Variants in NOS1 observed in about 807,000 individuals in gnomAD.
The protein encoded by NOS1 is NOS type I.
In NOS1, 51 loss-of-function variants were observed where a neutral mutation model predicts 164.5. The observed-to-expected ratio is 0.31, with a 90% CI of 0.25 to 0.39. The LOEUF is 0.39. Among genes scored for constraint, NOS1 ranks in the 10% least tolerant of loss-of-function variants. The pLI is 1.00. For missense variants in NOS1, 1,362 were observed against 1,885.6 expected, an observed-to-expected ratio of 0.72 and a Z score of 5.14; for synonymous variants, 719 against 745.8, an observed-to-expected ratio of 0.96 and a Z score of 0.59.
chr12:117,355,129 C>A (rs1336066871), intron 1 of NOS1, among the ~76,000 whole-genome samples: 1 of 152,158 alleles, frequency 6.6e-6, no homozygotes, highest in African/African-American at 2.4e-5. Context: ...CTTTTCAGGG[C>A]ACCTCTGAAA....
At position 117,209,360 on chromosome 12, in the gene NOS1, G is replaced by A; in HGVS notation, c.*5949C>T. On this transcript the variant is annotated 3_prime_UTR_variant, in exon 29 of 29. Coordinates refer to ENST00000317775, the MANE Select transcript of NOS1 (RefSeq NM_000620.5). ...ACAGTACCCAAGACGGCCCCCACAA[G>A]AAAGAATTACCCAGCCCCAAATGCC... The A allele has an allele frequency of 1.0e-6, 1 of 981,546 alleles. No individual in the cohort carries two copies. Among genetic ancestry groups the A allele is most frequent in the Non-Finnish European group, 1.2e-6 (1 of 826,402 alleles). The allele number at this position is 981,546 out of a possible 1,614,324, so 60.8% of individuals were successfully genotyped here.
Position 117,210,969 on chromosome 12 carries a change from T to A in NOS1, c.*4340A>T, listed in dbSNP as rs1275558879. ...TATTTTATTTTATTTTATTTTATTT[T>A]TTTTGAGATAAGAGTCTTGCTCTGT... On this transcript the variant is annotated 3_prime_UTR_variant, in exon 29 of 29. Coordinates refer to ENST00000317775, the MANE Select transcript of NOS1 (RefSeq NM_000620.5). The A allele has an allele frequency of 1.0e-6, 1 of 953,356 alleles. No homozygotes were observed. The highest frequency in any genetic ancestry group is 1.8e-5 in the African/African-American group (1 of 56,186). 59.1% of individuals were successfully genotyped at this position (953,356 alleles called of 1,614,324 possible). A position where few individuals can be genotyped will look rare whatever the true frequency, so the allele number is the denominator to read the frequency against.
At chr12:117,333,055 T>C (rs761284986) in intron 1 of NOS1, among the ~76,000 whole-genome samples, 9 of 152,188 alleles carry the variant, frequency 5.9e-5, no homozygotes, top group Non-Finnish European at 1.3e-4. Context: ...CAAGCACCTG[T>C]AGCATGTGCC....
At chr12:117,258,584 G>C in intron 15 of NOS1, 129 bp from the exon 16 acceptor site, 1 of 882,248 alleles carries the variant, frequency 1.1e-6, no homozygotes, top group Non-Finnish European at 1.9e-6. Context: ...TGTCAGGAGC[G>C]GTCAGGGGCT....
chr12:117,321,791 T>A (rs887432104), intron 2 of NOS1, among the ~76,000 whole-genome samples: 1 of 152,050 alleles, frequency 6.6e-6, no homozygotes, highest in African/African-American at 2.4e-5. Context: ...CTGCCATTGG[T>A]CATGCTGAGG....
At chr12:117,215,433 TC>T in intron 28 of NOS1, 109 bp from the exon 29 acceptor site, 1 of 1,243,924 alleles carries the variant, frequency 8.0e-7, no homozygotes, top group Admixed American at 3.1e-5. Context: ...GGGCTTTGTC[TC>T]TTTCTTTTTT....
In NOS1 at chr12:117,208,495, C is replaced by T. The variant is rs1367363177; in HGVS notation, c.*6814G>A. On this transcript the variant is annotated 3_prime_UTR_variant, in exon 29 of 29. Transcript: ENST00000317775. Reference sequence around the variant, plus strand: ...AACGGACACTGCGACGTGGGGTGCCCGGCACCGCTCTTTGGGCCTTCTGGA... The same window carrying T: ...AACGGACACTGCGACGTGGGGTGCCTGGCACCGCTCTTTGGGCCTTCTGGA... 12 of 1,247,460 alleles carry T rather than the reference C, an allele frequency of 9.6e-6. No individual in the cohort carries two copies. The highest frequency in any genetic ancestry group is 4.9e-5 in the Admixed American group (2 of 40,650). The allele number at this position is 1,247,460 out of a possible 1,614,324, so 77.3% of individuals were successfully genotyped here.
At position 117,213,747 on chromosome 12, in the gene NOS1, C is replaced by A; in HGVS notation, c.*1562G>T. The A allele has an allele frequency of 3.0e-6, 3 of 985,386 alleles. No homozygotes were observed. The highest frequency in any genetic ancestry group is 3.6e-6 in the Non-Finnish European group (3 of 829,930). The allele number at this position is 985,386 out of a possible 1,614,324, so 61.0% of individuals were successfully genotyped here. On this transcript the variant is annotated 3_prime_UTR_variant, in exon 29 of 29. Coordinates refer to ENST00000317775, the MANE Select transcript of NOS1 (RefSeq NM_000620.5). Reference sequence around the variant, plus strand: ...ACAGGGTAGAACCAGCAGAACATTCCCTTTCCATCCTTGGGGACCCTGCAG... The same window carrying A: ...ACAGGGTAGAACCAGCAGAACATTCACTTTCCATCCTTGGGGACCCTGCAG...
intron 3 of NOS1, among the ~76,000 whole-genome samples, chr12:117,306,571 T>A (rs1177637258): frequency 6.6e-6 from 1 of 151,510 alleles, no homozygotes; most frequent in African/African-American, 2.4e-5. Flanking sequence ...CTCAGAGAAC[T>A]AATAATGATC....
intron 3 of NOS1, among the ~76,000 whole-genome samples, chr12:117,309,569 A>G (rs1462343141): frequency 6.6e-6 from 1 of 152,168 alleles, no homozygotes; most frequent in Non-Finnish European, 1.5e-5. Flanking sequence ...CGCCAACTTC[A>G]CTGCAATGCA....
In NOS1 at chr12:117,242,713, G is replaced by A. The variant is rs1220180081; in HGVS notation, c.2963-8C>T. 2 of 1,613,566 alleles carry A rather than the reference G, an allele frequency of 1.2e-6. No individual in the cohort carries two copies. The highest frequency in any genetic ancestry group is 2.2e-5 in the East Asian group (1 of 44,882). ...TGTGGACATTGGATAGACCTGTGGG[G>A]AGAAAAACAACAGTCTTCCTGAGAA... On this transcript the variant is annotated splice_polypyrimidine_tract_variant and splice_region_variant and intron_variant, in intron 19 of 28. Coordinates refer to ENST00000317775, the MANE Select transcript of NOS1 (RefSeq NM_000620.5).
Position 117,280,744 on chromosome 12 carries a change from G to C in NOS1, c.1505C>G (p.Ala502Gly). The C allele has an allele frequency of 3.1e-6, 5 of 1,614,126 alleles. No homozygotes were observed. Among genetic ancestry groups the C allele is most frequent in the Non-Finnish European group, 4.2e-6 (5 of 1,180,006 alleles). Residue 502 changes from alanine to glycine, a missense_variant, in exon 8 of 29, where the codon GCC becomes GGC. Around this residue, in one of 4 missense-constraint regions of NOS1, gnomAD observed 134 missense variants for 267.3 expected, o/e 0.50. Coordinates refer to ENST00000317775, the MANE Select transcript of NOS1 (RefSeq NM_000620.5). ...TCGCACCTCTGTGAACTGCACATTG[G>C]CTGGGTCCCCCAGGGTGGAGCCGTC... Reference protein sequence around the residue: ...QPDGSTLGDPANVQFTEICIQ... With the variant: ...QPDGSTLGDPGNVQFTEICIQ...
At chr12:117,236,702 G>A (rs1397526356) in intron 20 of NOS1, among the ~76,000 whole-genome samples, 3 of 152,208 alleles carry the variant, frequency 2.0e-5, no homozygotes, top group African/African-American at 4.8e-5. Flanking sequence ...AGCCTCCTAA[G>A]TCTACCCAAA....
intron 2 of NOS1, among the ~76,000 whole-genome samples, chr12:117,321,955 TC>T (rs1318593177): frequency 1.7e-4 from 18 of 104,016 alleles, no homozygotes; most frequent in East Asian, 1.3e-3. Context: ...CTTCCTTCCC[TC>T]CCTCTCTCCT....
At position 117,259,080 on chromosome 12, in the gene NOS1, C is replaced by G. The variant is rs527264691; in HGVS notation, c.2418G>C (p.Leu806=). The part of the protein sequence containing the change: ...YDIVHLEHET[L]VLVVTSTFGN... ...CAAAGGTGCTGGTGACCACAAGGAC[C>G]AGAGTTTCATGTTCCAGGTGCACAA... Residue 806 remains leucine, a synonymous_variant, in exon 15 of 29, where the codon CTG becomes CTC. Transcript: ENST00000317775. The G allele has an allele frequency of 1.2e-6, 2 of 1,613,998 alleles. No individual in the cohort carries two copies. Among genetic ancestry groups the G allele is most frequent in the Admixed American group, 1.7e-5 (1 of 60,002 alleles).
chr12:117,298,824 C>T (rs1361503537), intron 3 of NOS1, among the ~76,000 whole-genome samples: 1 of 152,344 alleles, frequency 6.6e-6, no homozygotes, highest in Admixed American at 6.5e-5. Flanking sequence ...GCAATCCATT[C>T]TGCTGTTTAA....
At chr12:117,355,215 A>G (rs1444529552) in intron 1 of NOS1, among the ~76,000 whole-genome samples, 1 of 152,210 alleles carries the variant, frequency 6.6e-6, no homozygotes, top group East Asian at 1.9e-4. Context: ...CAGTCTTAGT[A>G]GGTAACAGGA....
chr12:117,351,353 C>T (rs1051779411), intron 1 of NOS1, among the ~76,000 whole-genome samples: 3 of 152,194 alleles, frequency 2.0e-5, no homozygotes, highest in Non-Finnish European at 2.9e-5. Context: ...CAAAGGGCTT[C>T]GGTAACACTG....
At chr12:117,265,161 G>A (rs1304943125) in intron 12 of NOS1, among the ~76,000 whole-genome samples, 155 bp downstream of exon 12, 1 of 152,142 alleles carries the variant, frequency 6.6e-6, no homozygotes, top group Non-Finnish European at 1.5e-5. Context: ...AGTCTCTCTT[G>A]TTCTTTCAGC....
Sources: gnomAD v4.1 joint callset for allele counts (sites outside exome capture counted in the v4.1 genomes callset) on GRCh38, gnomAD v4.1.1 for gene constraint, gnomAD v4.1.1 regional missense constraint, MANE v1.5 for transcripts, NCBI Gene and HGNC (gene_info 2026-07-23, HGNC 2026-07-21) for gene names.